The following CCDC88A variants were observed in gnomAD, a reference collection of about 807,000 sequenced individuals.
CCDC88A encodes the protein girdin.
CCDC88A carries 54 observed loss-of-function variants against 234.3 expected under a neutral mutation model. That is an observed-to-expected ratio of 0.23 (90% CI 0.19 to 0.29). CCDC88A has a LOEUF of 0.29. Ranked by LOEUF, CCDC88A falls within the 10% of genes least tolerant of loss-of-function variation. The pLI, the probability that CCDC88A is intolerant of heterozygous loss-of-function variation, is 1.00. For synonymous variants in CCDC88A, 753 were observed against 737.8 expected (o/e 1.02, Z -0.33); for missense variants, 1,832 against 2,123.4 (o/e 0.86, Z 2.70).
At chr2:55,410,095 C>G (rs1221093907) in intron 2 of CCDC88A, among the ~76,000 whole-genome samples, 2 of 152,114 alleles carry the variant, frequency 1.3e-5, no homozygotes, top group Non-Finnish European at 2.9e-5. Context: ...CAATTTCTTG[C>G]CCAAGCACTT....
In CCDC88A at chr2:55,334,323, T is replaced by C; in HGVS notation, c.2498A>G (p.Gln833Arg). Residue 833 changes from glutamine to arginine, a missense_variant, in exon 15 of 33, where the codon CAA (glutamine) becomes CGA (arginine). By Grantham distance (43) the Gln-to-Arg change is conservative (BLOSUM62 1). Coordinates refer to ENST00000436346, the MANE Select transcript of CCDC88A (RefSeq NM_001365480.1). This position sits in a 1 kb window ranked among gnomAD's most constrained non-coding sequence, Gnocchi z 6.1. ...ETSQLEKDKKQLEKENKRLRQ... is the reference protein window; with the variant it reads ...ETSQLEKDKKRLEKENKRLRQ... ...GAGTCTCTTATTTTCCTTCTCCAAT[T>C]GTTTCTTATCCTTTTCCAGTTGAGA... 1 of 1,494,210 alleles carries C rather than the reference T, an allele frequency of 6.7e-7. No individual in the cohort carries two copies. The highest frequency in any genetic ancestry group is 2.5e-5 in the Admixed American group (1 of 40,174). The allele number at this position is 1,494,210 out of a possible 1,614,324, so 92.6% of individuals were successfully genotyped here.
chr2:55,319,141 G>T, intron 18 of CCDC88A, 137 bp from the exon 19 acceptor site: 1 of 642,708 alleles, frequency 1.6e-6, no homozygotes, highest in Non-Finnish European at 2.3e-6. Flanking sequence ...TCTTAAAAGA[G>T]AAAAAAAACC....
At chr2:55,368,184 G>A (rs563444071) in intron 5 of CCDC88A, among the ~76,000 whole-genome samples, 1 of 152,260 alleles carries the variant, frequency 6.6e-6, no homozygotes, top group African/African-American at 2.4e-5. Flanking sequence ...AGATTCTGGA[G>A]GAACTTGACT....
intron 7 of CCDC88A, among the ~76,000 whole-genome samples, chr2:55,361,187 C>A (rs1395651787): frequency 6.6e-6 from 1 of 152,032 alleles, no homozygotes; most frequent in Non-Finnish European, 1.5e-5. Flanking sequence ...ATTGTAATAT[C>A]TTTAACAACT....
chr2:55,295,860 T>A lies in CCDC88A; in HGVS notation c.5288A>T (p.Asp1763Val). The A allele has an allele frequency of 6.2e-7, 1 of 1,614,068 alleles. No homozygotes were observed. Among genetic ancestry groups the A allele is most frequent in the East Asian group, 2.2e-5 (1 of 44,880 alleles). ...TCCCGCAGAACTAATGAAGTAGGTA[T>A]CTTCAGTTTTTCGAGGACCAGGTCT... ...FLRPGPRKTE[D>V]TYFISSAGKP... The change falls in exon 31 of 33, where the codon GAT becomes GTT. Residue 1763 changes from aspartate to valine, a missense_variant. Coordinates refer to ENST00000436346, the MANE Select transcript of CCDC88A (RefSeq NM_001365480.1).
At position 55,339,469 on chromosome 2, in the gene CCDC88A, T is replaced by C; in HGVS notation, c.1513A>G (p.Lys505Glu). 1 of 1,550,488 alleles carries C rather than the reference T, an allele frequency of 6.4e-7. No individual in the cohort carries two copies. Among genetic ancestry groups the C allele is most frequent in the Non-Finnish European group, 8.8e-7 (1 of 1,140,808 alleles). ...KMEKENQRLS[K>E]KVEILENEIV... ...AACACTACATTTTAATTTACCTTTT[T>C]ACTGAGCCTTTGATTTTCTTTTTCC... Residue 505 changes from lysine (K) to glutamate (E), a missense_variant, in exon 13 of 33, where the codon AAA becomes GAA. By Grantham distance (56) the Lys-to-Glu change is moderately conservative. Around this residue, in one of 6 missense-constraint regions of CCDC88A, gnomAD observed 1,282 missense variants for 1,543.6 expected, o/e 0.83. Coordinates refer to ENST00000436346, the MANE Select transcript of CCDC88A (RefSeq NM_001365480.1).
chr2:55,301,741 A>T, intron 27 of CCDC88A, 131 bp downstream of exon 27: 1 of 759,940 alleles, frequency 1.3e-6, no homozygotes, highest in Non-Finnish European at 2.2e-6. Context: ...AAGTTCCTCC[A>T]AATCCAATAC....
In CCDC88A at chr2:55,301,916, T is replaced by C. The variant is rs778719455; in HGVS notation, c.4628A>G (p.Asn1543Ser). ...CTTGGATCTGAAGCCTGCAGAAGAG[T>C]TGACAGTTGAAAAGTTGATGGCTGT... Reference protein sequence around the residue: ...STTAINFSTVNSSAGFRSKQL... With the variant: ...STTAINFSTVSSSAGFRSKQL... The change falls in exon 27 of 33, where the codon AAC becomes AGC. Residue 1543 changes from asparagine (N) to serine (S), a missense_variant. Around this residue, in one of 6 missense-constraint regions of CCDC88A, gnomAD observed 422 missense variants for 416.5 expected, o/e 1.01. Transcript: ENST00000436346. The C allele has an allele frequency of 5.6e-6, 9 of 1,613,906 alleles. No homozygotes were observed. The South Asian group carries it at 7.7e-5, about 14-fold the overall frequency.
intron 5 of CCDC88A, among the ~76,000 whole-genome samples, chr2:55,364,903 C>T (rs975829968): frequency 2.6e-5 from 4 of 152,060 alleles, no homozygotes; most frequent in Admixed American, 6.6e-5. Flanking sequence ...GACAGCACTG[C>T]CTTGTCTAAC....
intron 13 of CCDC88A, 39 bp downstream of exon 13, chr2:55,339,424 GT>G: frequency 2.2e-6 from 3 of 1,379,078 alleles, no homozygotes; most frequent in Non-Finnish European, 2.0e-6. Flanking sequence ...ACTTTTACAA[GT>G]TTTTTTAACA....
At chr2:55,396,924 G>C (rs1677696811) in intron 2 of CCDC88A, among the ~76,000 whole-genome samples, 1 of 149,102 alleles carries the variant, frequency 6.7e-6, no homozygotes, top group African/African-American at 2.5e-5. Flanking sequence ...TAAAACCCGA[G>C]TGTACATCAT....
chr2:55,397,859 A>T (rs1677883407), intron 2 of CCDC88A, among the ~76,000 whole-genome samples: 1 of 152,136 alleles, frequency 6.6e-6, no homozygotes. Flanking sequence ...ATCTTTTAAG[A>T]ATTTTTTGTA....
At chr2:55,370,157 T>C (rs1432962674) in intron 5 of CCDC88A, among the ~76,000 whole-genome samples, 1 of 152,128 alleles carries the variant, frequency 6.6e-6, no homozygotes, top group Non-Finnish European at 1.5e-5. Context: ...TACATGGACA[T>C]AAAATATATA....
chr2:55,351,019 ATTC>A (rs1669806785), intron 8 of CCDC88A, among the ~76,000 whole-genome samples: 1 of 152,226 alleles, frequency 6.6e-6, no homozygotes, highest in East Asian at 1.9e-4. Flanking sequence ...TACTAAGTGG[ATTC>A]CATTTTTCAT....
chr2:55,296,750 T>C, intron 29 of CCDC88A: 1 of 541,678 alleles, frequency 1.8e-6, no homozygotes, highest in Non-Finnish European at 3.3e-6. Flanking sequence ...GTAAGCTCCA[T>C]AAGGGCAAAG....
intron 2 of CCDC88A, among the ~76,000 whole-genome samples, chr2:55,416,720 T>G (rs1681555407): frequency 6.6e-6 from 1 of 151,278 alleles, no homozygotes; most frequent in Non-Finnish European, 1.5e-5. Flanking sequence ...AACTGACACT[T>G]TATAATAGAG....
intron 5 of CCDC88A, among the ~76,000 whole-genome samples, chr2:55,365,343 T>C (rs1195713609): frequency 6.6e-6 from 1 of 152,248 alleles, no homozygotes; most frequent in East Asian, 1.9e-4. Flanking sequence ...AATTAACTTT[T>C]CAGGTATAGT....
In CCDC88A at chr2:55,335,103, C is replaced by T. The variant is rs1558690049; in HGVS notation, c.1718G>A (p.Arg573Gln). The change falls in exon 15 of 33, where the codon CGG becomes CAG. Residue 573 changes from arginine (R) to glutamine (Q), a missense_variant. Coordinates refer to ENST00000436346, the MANE Select transcript of CCDC88A (RefSeq NM_001365480.1). This position sits in a 1 kb window ranked among gnomAD's most constrained non-coding sequence, Gnocchi z 4.5. ...TCTTGCTTCTGCACTTATCTGGGAC[C>T]GCTGCCTTAAGGAAGACACTGTTTG... ...LNQTVSSLRQRSQISAEARVK... is the reference protein window; with the variant it reads ...LNQTVSSLRQQSQISAEARVK... 3 of 1,594,728 alleles carry T rather than the reference C, an allele frequency of 1.9e-6. No individual in the cohort carries two copies. Among genetic ancestry groups the T allele is most frequent in the South Asian group, 1.2e-5 (1 of 86,448 alleles).
At chr2:55,325,207 T>C (rs1330695237) in intron 17 of CCDC88A, among the ~76,000 whole-genome samples, 1 of 152,244 alleles carries the variant, frequency 6.6e-6, no homozygotes, top group Non-Finnish European at 1.5e-5. Context: ...ACATGGTTCT[T>C]ATCTCCATTT....
Sources: gnomAD v4.1 joint callset for allele counts (sites outside exome capture counted in the v4.1 genomes callset) on GRCh38, gnomAD v4.1.1 for gene constraint, gnomAD v4.1.1 regional missense constraint, Gnocchi (gnomAD v3.1) non-coding constraint, MANE v1.5 for transcripts, NCBI Gene and HGNC (gene_info 2026-07-23, HGNC 2026-07-21) for gene names.